ZNF385D: variants seen among roughly 807,000 people sequenced by gnomAD.
ZNF385D encodes zinc finger protein 659.
ZNF385D carries 15 observed loss-of-function variants against 35.8 expected under a neutral mutation model. The observed-to-expected ratio is 0.42, with a 90% CI of 0.28 to 0.64. ZNF385D has a LOEUF of 0.64. ZNF385D is among the 30% of genes least tolerant of loss of function. The pLI, the probability that ZNF385D is intolerant of heterozygous loss-of-function variation, is 0.23. For missense variants in ZNF385D, 474 were observed against 494.6 expected, an observed-to-expected ratio of 0.96 and a Z score of 0.39; for synonymous variants, 212 against 186.8, an observed-to-expected ratio of 1.13 and a Z score of -1.10.
At chr3:22,058,636 T>C (rs932492338) in intron 3 of ZNF385D, among the ~76,000 whole-genome samples, 1 of 152,242 alleles carries the variant, frequency 6.6e-6, no homozygotes, top group African/African-American at 2.4e-5. Flanking sequence ...TTAAATAATT[T>C]ATTGATGCCT....
intron 3 of ZNF385D, among the ~76,000 whole-genome samples, chr3:22,045,595 G>C (rs74898212): frequency 0.2 from 30,324 of 152,010 alleles, 3,188 homozygotes; most frequent in South Asian, 0.35. Flanking sequence ...AACAGCACCC[G>C]CATAGTGTAG....
chr3:21,970,932 A>G (rs974015514), intron 3 of ZNF385D, among the ~76,000 whole-genome samples: 5 of 152,096 alleles, frequency 3.3e-5, no homozygotes, highest in African/African-American at 1.2e-4. Context: ...TGCAAAAGAA[A>G]AAAAAAACTT....
chr3:21,838,408 C>T (rs2673526), intron 3 of ZNF385D, among the ~76,000 whole-genome samples: 37,643 of 152,116 alleles, frequency 0.25, 4,980 homozygotes, highest in Admixed American at 0.3. Context: ...CAGCTTCCAG[C>T]ACTTCTCATA....
At chr3:21,478,056 G>A (rs1239812170) in intron 4 of ZNF385D, among the ~76,000 whole-genome samples, 1 of 152,052 alleles carries the variant, frequency 6.6e-6, no homozygotes, top group East Asian at 1.9e-4. Flanking sequence ...TGAGAATTTT[G>A]TTCAGGAAGG....
chr3:21,861,175 G>C (rs191227284), intron 3 of ZNF385D, among the ~76,000 whole-genome samples: 1 of 152,118 alleles, frequency 6.6e-6, no homozygotes, highest in African/African-American at 2.4e-5. Context: ...TTCAGCTTTG[G>C]TGTATCTGGG....
chr3:21,928,816 A>T (rs1056254680), intron 3 of ZNF385D, among the ~76,000 whole-genome samples: 1 of 152,208 alleles, frequency 6.6e-6, no homozygotes, highest in African/African-American at 2.4e-5. Flanking sequence ...TAAATCTATA[A>T]CAACTAAGTT....
intron 2 of ZNF385D, among the ~76,000 whole-genome samples, chr3:22,185,091 C>T (rs1349002853): frequency 6.6e-6 from 1 of 152,132 alleles, no homozygotes. Context: ...CTTCAGTTCA[C>T]TGTATCTATA....
intron 3 of ZNF385D, among the ~76,000 whole-genome samples, chr3:21,834,615 T>C (rs1695208525): frequency 1.3e-5 from 2 of 152,174 alleles, no homozygotes; most frequent in Admixed American, 1.3e-4. Flanking sequence ...ATGAAAAGCT[T>C]CATTTTTTAA....
At chr3:22,013,843 C>T (rs1696720338) in intron 3 of ZNF385D, among the ~76,000 whole-genome samples, 1 of 152,058 alleles carries the variant, frequency 6.6e-6, no homozygotes, top group Non-Finnish European at 1.5e-5. Flanking sequence ...AACCCCCTCC[C>T]CCTCCCAAAA....
At chr3:22,027,113 G>A (rs556634937) in intron 3 of ZNF385D, among the ~76,000 whole-genome samples, 1 of 152,316 alleles carries the variant, frequency 6.6e-6, no homozygotes, top group African/African-American at 2.4e-5. Flanking sequence ...TACCTTTACT[G>A]TCCTACCTCA....
chr3:21,543,455 A>C lies in ZNF385D; in HGVS notation c.276+21119T>G, dbSNP rs73819521. ...CCTTTTTCCAGACGGACTAGCGAGC[A>C]GCAGTTCCCAGCCGCTCCCCACTCC... On this transcript the variant is annotated intron_variant, in intron 3 of 7. Coordinates refer to ENST00000281523, the MANE Select transcript of ZNF385D (RefSeq NM_024697.3). Among the ~76,000 whole-genome samples the C allele has an allele frequency of 7.5e-4, 114 of 152,128 alleles. 1 individual carries two copies. Among genetic ancestry groups the C allele is most frequent in the African/African-American group, 2.6e-3 (109 of 41,510 alleles).
chr3:21,991,372 T>A (rs915123115), intron 3 of ZNF385D, among the ~76,000 whole-genome samples: 8 of 152,212 alleles, frequency 5.3e-5, no homozygotes, highest in African/African-American at 1.9e-4. Context: ...TATAGCCACA[T>A]GCCACCACAA....
In ZNF385D at chr3:22,177,825, C is replaced by T. The variant is rs150160138; in HGVS notation, c.107-8790G>A. On this transcript the variant is annotated intron_variant, in intron 2 of 5. Transcript: ENST00000494108. ...TTCAATTCCCACCTATGAGTGAGAA[C>T]ATACGGTGGTTGGTTTTTTGTCCTT... Among the ~76,000 whole-genome samples, 379 of 152,242 alleles carry T rather than the reference C, an allele frequency of 2.5e-3. 2 individuals are homozygous for T. Among genetic ancestry groups the T allele is most frequent in the Middle Eastern group, 6.8e-3 (2 of 294 alleles).
chr3:21,606,169 G>A (rs983540277), intron 2 of ZNF385D, among the ~76,000 whole-genome samples: 9 of 152,146 alleles, frequency 5.9e-5, no homozygotes, highest in African/African-American at 2.2e-4. Flanking sequence ...GAGAGTAGCT[G>A]CTTCTAAGAT....
chr3:21,503,918 G>A (rs1273158933), intron 4 of ZNF385D, among the ~76,000 whole-genome samples: 2 of 151,872 alleles, frequency 1.3e-5, no homozygotes, highest in African/African-American at 2.4e-5. Flanking sequence ...TTTACTTTTG[G>A]TACCTTTAAG....
intron 2 of ZNF385D, among the ~76,000 whole-genome samples, chr3:22,329,096 AAG>A (rs1338405429): frequency 2.6e-5 from 4 of 151,438 alleles, no homozygotes; most frequent in Admixed American, 2.0e-4. Context: ...AAAAAAAAAA[AAG>A]AGTTTATTAA....
chr3:21,720,974 C>G (rs1176769061), intron 1 of ZNF385D, among the ~76,000 whole-genome samples: 1 of 152,058 alleles, frequency 6.6e-6, no homozygotes, highest in Non-Finnish European at 1.5e-5. Flanking sequence ...CAGTATATGC[C>G]CATGTGCTAA....
chr3:21,694,110 C>G (rs2067386594), intron 1 of ZNF385D, among the ~76,000 whole-genome samples: 1 of 138,568 alleles, frequency 7.2e-6, no homozygotes, highest in Admixed American at 7.7e-5. Context: ...GTGGCGCGAT[C>G]TCGGCTCACT....
intron 2 of ZNF385D, among the ~76,000 whole-genome samples, chr3:21,575,090 T>A (rs563990091): frequency 6.6e-6 from 1 of 152,198 alleles, no homozygotes; most frequent in Non-Finnish European, 1.5e-5. Context: ...TGTTATAAAA[T>A]TTATCATTAT....
Sources: allele counts gnomAD v4.1 joint callset (sites outside exome capture counted in the v4.1 genomes callset), GRCh38; gene constraint gnomAD v4.1.1; transcripts MANE v1.5; gene names NCBI Gene and HGNC (gene_info 2026-07-23, HGNC 2026-07-21).